The following NOD2 variants were observed in gnomAD, a reference collection of about 807,000 sequenced individuals.
NOD2 encodes the protein nucleotide binding oligomerization domain containing 2, also known as nucleotide-binding oligomerization domain-containing protein 2.
Under a neutral mutation model 90.9 loss-of-function variants are expected in NOD2, and 86 were observed. That is an observed-to-expected ratio of 0.95 (90% confidence interval 0.79 to 1.13). The LOEUF is 1.13. Ranked by LOEUF, NOD2 falls within the 50% of genes most tolerant of loss-of-function variation. The pLI is 0.00. For missense variants in NOD2, 1,238 were observed against 1,283.8 expected (o/e 0.96, Z 0.55); for synonymous variants, 581 against 554.6 (o/e 1.05, Z -0.67).
At chr16:50,707,988 A>T in intron 3 of NOD2, 28 bp downstream of exon 3, 1 of 1,475,186 alleles carries the variant, frequency 6.8e-7, no homozygotes, top group African/African-American at 1.4e-5. Flanking sequence ...GTTAATCAGA[A>T]AGGGAAGGGC....
intron 4 of NOD2, among the ~76,000 whole-genome samples, chr16:50,715,998 A>T (rs777411170): frequency 9.9e-5 from 15 of 152,166 alleles, no homozygotes; most frequent in Non-Finnish European, 2.2e-4. Context: ...AGTTTTGGGA[A>T]TGGTGCCCCA....
chr16:50,723,177 T>C, intron 8 of NOD2, 124 bp from the exon 9 acceptor site: 1 of 519,084 alleles, frequency 1.9e-6, no homozygotes, highest in South Asian at 1.7e-5. Context: ...AGCACCGCAA[T>C]CAATTAGTGA....
At chr16:50,706,531 G>A (rs535976855) in intron 2 of NOD2, among the ~76,000 whole-genome samples, 2 of 152,158 alleles carry the variant, frequency 1.3e-5, no homozygotes, top group African/African-American at 4.8e-5. Context: ...TATAGAGGAG[G>A]TGACAAGAAA....
At chr16:50,729,709 G>T in intron 10 of NOD2, 109 bp from the exon 11 acceptor site, 1 of 835,900 alleles carries the variant, frequency 1.2e-6, no homozygotes. Flanking sequence ...GTGTCTAAGG[G>T]ACAGGTGGGC....
chr16:50,702,408 A>G (rs1963983582), intron 2 of NOD2, among the ~76,000 whole-genome samples: 2 of 152,172 alleles, frequency 1.3e-5, no homozygotes. Context: ...AAGCCTTTAG[A>G]ATCCAGCTCT....
chr16:50,702,688 GC>G (rs1963995795), intron 2 of NOD2, among the ~76,000 whole-genome samples: 1 of 152,194 alleles, frequency 6.6e-6, no homozygotes, highest in Non-Finnish European at 1.5e-5. Context: ...CCTACTGTGT[GC>G]CAGACACTGT....
intron 4 of NOD2, 172 bp downstream of exon 4, chr16:50,712,545 T>G (rs1199346309): frequency 3.2e-5 from 25 of 770,346 alleles, no homozygotes; most frequent in Non-Finnish European, 4.3e-5. Flanking sequence ...TATGTGATGA[T>G]GACAGCCACA....
At chr16:50,715,882 A>G (rs1964769607) in intron 4 of NOD2, 1 of 153,376 alleles carries the variant, frequency 6.5e-6, no homozygotes, top group Admixed American at 6.4e-5. Flanking sequence ...GTTAAAATAT[A>G]CAGATTCCTG....
intron 1 of NOD2, chr16:50,697,150 C>T (rs1963684795): frequency 1.8e-6 from 2 of 1,096,120 alleles, no homozygotes; most frequent in African/African-American, 3.1e-5. Context: ...TAGACAGATC[C>T]AGGCTCACCA....
rs199858111 is a variant in NOD2 at position 50,711,019 on chromosome 16, C to T, written c.1027C>T (p.His343Tyr). The T allele has an allele frequency of 2.8e-5, 46 of 1,614,234 alleles. No homozygotes were observed. In the East Asian group the frequency reaches 9.8e-4, roughly 34 times the overall value. The change falls in exon 4 of 12, where the codon CAC (histidine) becomes TAC (tyrosine). Residue 343 changes from histidine (H) to tyrosine (Y), a missense_variant. Physicochemically the swap from His to Tyr is moderately conservative, Grantham distance 83. Transcript: ENST00000647318. ...AGACATCTTCCAGTTACTCCTTGACCACCCTGACCGTGTCCTGTTAACCTT... is the reference window on the plus strand; with the variant it reads ...AGACATCTTCCAGTTACTCCTTGACTACCCTGACCGTGTCCTGTTAACCTT... Reference protein sequence around the residue: ...QEDIFQLLLDHPDRVLLTFDG... With the variant: ...QEDIFQLLLDYPDRVLLTFDG...
intron 7 of NOD2, 26 bp from the exon 8 acceptor site, chr16:50,722,596 T>C (rs761770170): frequency 1.9e-6 from 3 of 1,607,818 alleles, no homozygotes; most frequent in African/African-American, 1.3e-5. Context: ...ACTGACACTG[T>C]CTGTTGACTC....
At position 50,719,976 on chromosome 16, in the gene NOD2, G is replaced by C. The variant is rs1362769889; in HGVS notation, c.2601G>C (p.Gly867=). ...TAAGAQVLAE[G]LRGNTSLQFL... ...CGGGAGCCCAAGTGCTGGCCGAGGGGCTCCGAGGCAACACCTCCTTGCAGT... is the reference window on the plus strand; with the variant it reads ...CGGGAGCCCAAGTGCTGGCCGAGGGCCTCCGAGGCAACACCTCCTTGCAGT... Residue 867 remains glycine (G), a synonymous_variant, in exon 7 of 12, where the codon GGG becomes GGC. Transcript: ENST00000647318. 2 of 1,614,212 alleles carry C rather than the reference G, an allele frequency of 1.2e-6. No homozygotes were observed. The highest frequency in any genetic ancestry group is 2.7e-5 in the African/African-American group (2 of 75,064).
intron 3 of NOD2, among the ~76,000 whole-genome samples, chr16:50,708,982 C>T (rs1021600899): frequency 5.3e-5 from 8 of 152,198 alleles, no homozygotes; most frequent in African/African-American, 1.9e-4. Context: ...TAAGACCAGG[C>T]CAGGGTGCAA....
Position 50,716,950 on chromosome 16 carries a change from G to A in NOD2, c.2525G>A (p.Cys842Tyr). 6.2e-7 allele frequency: 1 copy of A among 1,614,274 alleles called. No individual in the cohort carries two copies. Residue 842 changes from cysteine (C) to tyrosine (Y), a missense_variant, in exon 6 of 12, where the codon TGC becomes TAC. By Grantham distance (194) the Cys-to-Tyr change is radical (BLOSUM62 -2). This residue lies in a region of NOD2 where 667 missense variants were observed against 688.7 expected (regional missense o/e 0.97). Transcript: ENST00000647318. Reference sequence around the variant, plus strand: ...CACTCCATGGCTAAGCTCCTTGCATGCAGGCAGAACTTCTTGGCATTGAGG... The same window carrying A: ...CACTCCATGGCTAAGCTCCTTGCATACAGGCAGAACTTCTTGGCATTGAGG... ...CAHSMAKLLA[C>Y]RQNFLALRLG...
chr16:50,699,420 G>A, intron 1 of NOD2, 68 bp from the exon 2 acceptor site: 1 of 1,385,300 alleles, frequency 7.2e-7, no homozygotes, highest in Non-Finnish European at 1.0e-6. Flanking sequence ...GACTTGCCCT[G>A]GCCTTCCCTG....
In NOD2 at chr16:50,707,944, G is replaced by T. The variant is rs1170751141; in HGVS notation, c.549G>T (p.Leu183Phe). The T allele has an allele frequency of 1.9e-6, 3 of 1,612,448 alleles. No individual in the cohort carries two copies. Among genetic ancestry groups the T allele is most frequent in the Non-Finnish European group, 2.5e-6 (3 of 1,178,510 alleles). The change falls in exon 3 of 12, where the codon TTG becomes TTT. Residue 183 changes from leucine to phenylalanine, a missense_variant. Physicochemically the swap from Leu to Phe is conservative, Grantham distance 22 (BLOSUM62 0). Around this residue, in one of 3 missense-constraint regions of NOD2, gnomAD observed 567 missense variants for 577.3 expected, o/e 0.98. Coordinates refer to ENST00000647318, the MANE Select transcript of NOD2 (RefSeq NM_001370466.1). ...LQHVQELPVP[L>F]ALPLEAATCK... ...ATGTTCAGGAATTACCAGTCCCATTGGCCCTGCCTTTGGAAGGTAGGTGTA... is the reference window on the plus strand; with the variant it reads ...ATGTTCAGGAATTACCAGTCCCATTTGCCCTGCCTTTGGAAGGTAGGTGTA...
At chr16:50,727,729 G>A (rs115809446) in intron 10 of NOD2, 40 of 355,440 alleles carry the variant, frequency 1.1e-4, no homozygotes, top group African/African-American at 6.6e-4. Flanking sequence ...GGGTGTTGTC[G>A]TGGAGAATTG....
rs139571975 is a variant in NOD2, at chr16:50,699,898, G to A, written c.403G>A (p.Val135Ile). Residue 135 changes from valine to isoleucine, a missense_variant, in exon 2 of 12, where the codon GTC becomes ATC. Physicochemically the swap from Val to Ile is conservative, Grantham distance 29. Around this residue, in one of 3 missense-constraint regions of NOD2, gnomAD observed 567 missense variants for 577.3 expected, o/e 0.98. Transcript: ENST00000647318. ...GGACCTGGCATGGGAGCGGGGTTTC[G>A]TCAGCCAGTATGAATGTGATGAAAT... is the stretch of plus-strand genomic sequence containing the variant. ...MLDLAWERGF[V>I]SQYECDEIRL... 7.8e-5 allele frequency: 125 copies of A among 1,612,356 alleles called. No individual in the cohort carries two copies. Among genetic ancestry groups the A allele is most frequent in the Middle Eastern group, 6.6e-4 (4 of 6,060 alleles).
intron 10 of NOD2, among the ~76,000 whole-genome samples, chr16:50,728,739 G>T (rs1005326985): frequency 1.3e-5 from 2 of 152,136 alleles, no homozygotes; most frequent in African/African-American, 4.8e-5. Context: ...TTATTGGAAG[G>T]CAAAGCTGTA....
Sources: gnomAD v4.1 joint callset for allele counts (sites outside exome capture counted in the v4.1 genomes callset) on GRCh38, gnomAD v4.1.1 for gene constraint, gnomAD v4.1.1 regional missense constraint, MANE v1.5 for transcripts, NCBI Gene and HGNC (gene_info 2026-07-23, HGNC 2026-07-21) for gene names.